Variants in SASH1 observed in about 807,000 individuals in gnomAD.
SASH1 encodes the protein SAM and SH3 domain-containing protein 1.
Under a neutral mutation model 125.2 loss-of-function variants are expected in SASH1, and 44 were observed. That is an observed-to-expected ratio of 0.35 (90% CI 0.28 to 0.45). SASH1 has a LOEUF of 0.45. SASH1 is among the 20% of genes least tolerant of loss of function. The probability of loss-of-function intolerance (pLI) is 1.00; values close to 1 mark genes in which losing one functional copy is unlikely to be tolerated. For synonymous variants in SASH1, 639 were observed against 649.1 expected (o/e 0.98, Z 0.24); for missense variants, 1,426 against 1,614.5 (o/e 0.88, Z 2.00).
chr6:148,449,679 G>C (rs970735598), intron 4 of SASH1, among the ~76,000 whole-genome samples: 1 of 152,252 alleles, frequency 6.6e-6, no homozygotes, highest in East Asian at 1.9e-4. Context: ...GAGCCACTGC[G>C]CCCAGTCGGA....
At chr6:148,438,528 G>A (rs1291011356) in intron 2 of SASH1, among the ~76,000 whole-genome samples, 1 of 152,080 alleles carries the variant, frequency 6.6e-6, no homozygotes, top group African/African-American at 2.4e-5. Flanking sequence ...CCAGGAGGAG[G>A]TTAATGAGAG....
At chr6:148,248,236 G>T in the SASH1 span, among the ~76,000 whole-genome samples, 1 of 152,216 alleles carries the variant, frequency 6.6e-6, no homozygotes, top group Non-Finnish European at 1.5e-5. Context: ...AAGAAGCTTG[G>T]TGAGGGTGGT....
intron 1 of SASH1, among the ~76,000 whole-genome samples, chr6:148,291,280 A>G (rs75525406): frequency 0.039 from 5,968 of 152,354 alleles, 145 homozygotes; most frequent in Middle Eastern, 0.068. Context: ...AATTGCCCTG[A>G]TTTGATCATT....
intron 8 of SASH1, among the ~76,000 whole-genome samples, chr6:148,511,373 A>C (rs867260537): frequency 2.3e-5 from 3 of 129,756 alleles, no homozygotes; most frequent in African/African-American, 5.8e-5. Context: ...ACACACACAC[A>C]CCTTGGATGA....
intron 8 of SASH1, among the ~76,000 whole-genome samples, chr6:148,493,762 C>T (rs1042797968): frequency 1.3e-5 from 2 of 152,150 alleles, no homozygotes; most frequent in African/African-American, 4.8e-5. Flanking sequence ...AAATAGATTT[C>T]CCTTTGCCAG....
chr6:148,478,430 A>G (rs1778466501), intron 7 of SASH1, among the ~76,000 whole-genome samples: 1 of 152,238 alleles, frequency 6.6e-6, no homozygotes, highest in South Asian at 2.1e-4. Flanking sequence ...AGGCACAGAA[A>G]GTCAAACTGC....
chr6:148,330,790 TG>T (rs1393018657), intron 1 of SASH1, among the ~76,000 whole-genome samples: 1 of 152,160 alleles, frequency 6.6e-6, no homozygotes, highest in African/African-American at 2.4e-5. Flanking sequence ...TTCGCCATGT[TG>T]GCCAGGCTGG....
intron 1 of SASH1, among the ~76,000 whole-genome samples, chr6:148,276,689 T>C (rs1396622247): frequency 6.6e-6 from 1 of 152,156 alleles, no homozygotes; most frequent in Non-Finnish European, 1.5e-5. Context: ...TCCAGGATCA[T>C]AGAAGAAGCA....
At chr6:148,488,698 G>A (rs548309392) in intron 8 of SASH1, among the ~76,000 whole-genome samples, 1 of 152,288 alleles carries the variant, frequency 6.6e-6, no homozygotes, top group Non-Finnish European at 1.5e-5. Flanking sequence ...TCCTAATGGT[G>A]TGAAATGGTA....
intron 4 of SASH1, among the ~76,000 whole-genome samples, chr6:148,449,078 C>CTTTTTCTTTTTTTTTTTTTTTTTTTTTTT: frequency 2.0e-4 from 18 of 88,714 alleles, no homozygotes; most frequent in South Asian, 3.5e-4. Context: ...CATTTCATTT[C>CTTTTTCTTTTTTTTTTTTTTTTTTTTTTT]TTTTTTTTTT....
At chr6:148,537,125 A>G (rs1781895012) in intron 16 of SASH1, among the ~76,000 whole-genome samples, 1 of 152,226 alleles carries the variant, frequency 6.6e-6, no homozygotes, top group Admixed American at 6.5e-5. Context: ...GTTTCTGTCA[A>G]ACAAGATTTC....
intron 2 of SASH1, among the ~76,000 whole-genome samples, chr6:148,408,798 T>C (rs1271712053): frequency 1.3e-5 from 2 of 152,268 alleles, no homozygotes; most frequent in Non-Finnish European, 2.9e-5. Context: ...TTTACACTTT[T>C]ACGTCTTACG....
In SASH1 at chr6:148,416,141, C is replaced by T. The variant is rs181510255; in HGVS notation, c.286-24043C>T. Among the ~76,000 whole-genome samples, 44 of 152,254 alleles carry T rather than the reference C, an allele frequency of 2.9e-4. 1 individual carries two copies. The East Asian group carries it at 7.4e-3, about 25-fold the overall frequency. ...GTACCCTCAGATGGCCCACCAGTGC[C>T]GTGACACACTCACCTATATGGACAT... On this transcript the variant is annotated intron_variant, in intron 2 of 19. Coordinates refer to ENST00000367467, the MANE Select transcript of SASH1 (RefSeq NM_015278.5).
intron 1 of SASH1, among the ~76,000 whole-genome samples, chr6:148,334,298 G>A (rs1159746134): frequency 1.3e-5 from 2 of 148,682 alleles, no homozygotes; most frequent in Non-Finnish European, 3.0e-5. Flanking sequence ...CGTGATGGCG[G>A]GCGCCTGTAG....
intron 2 of SASH1, among the ~76,000 whole-genome samples, chr6:148,407,192 C>A (rs1353031081): frequency 2.6e-5 from 4 of 152,152 alleles, no homozygotes; most frequent in African/African-American, 9.7e-5. Flanking sequence ...GAGCTCTTTC[C>A]GTCCTGCAAA....
chr6:148,330,542 T>C (rs1342576731), intron 1 of SASH1, among the ~76,000 whole-genome samples: 1 of 152,200 alleles, frequency 6.6e-6, no homozygotes. Context: ...TTGGAAACAG[T>C]TAACAATCTC....
chr6:148,401,916 CT>C (rs1028063575), intron 2 of SASH1, among the ~76,000 whole-genome samples: 5 of 152,084 alleles, frequency 3.3e-5, no homozygotes, highest in Admixed American at 2.6e-4. Flanking sequence ...TGTGTCCTTT[CT>C]CCTTAGGGTG....
intron 4 of SASH1, among the ~76,000 whole-genome samples, chr6:148,446,163 C>T (rs1464618841): frequency 7.9e-6 from 1 of 126,218 alleles, no homozygotes; most frequent in Non-Finnish European, 1.6e-5. Context: ...GGCTGGAGTG[C>T]AGTGGCGCGA....
At position 148,487,088 on chromosome 6, in the gene SASH1, T is replaced by TACACACACACAC. The variant is rs757099589; in HGVS notation, c.628-525_628-524insCACACACACACA. The stretch of plus-strand genomic sequence containing the variant: ...AACAAATATATATATATAACACATA[T>TACACACACACAC]ATATACACACACACACACACACACA... On this transcript the variant is annotated intron_variant, in intron 7 of 19. Transcript: ENST00000367467. Among the ~76,000 whole-genome samples the TACACACACACAC allele has an allele frequency of 5.4e-3, 549 of 101,676 alleles. 5 individuals carry two copies. Among genetic ancestry groups the TACACACACACAC allele is most frequent in the African/African-American group, 0.019 (464 of 24,020 alleles). 66.7% of individuals were successfully genotyped at this position (101,676 alleles called of 152,430 possible).
Sources: gnomAD v4.1 joint callset for allele counts (sites outside exome capture counted in the v4.1 genomes callset) on GRCh38, gnomAD v4.1.1 for gene constraint, MANE v1.5 for transcripts, NCBI Gene and HGNC (gene_info 2026-07-23, HGNC 2026-07-21) for gene names.